The following ZMYM4 variants were observed in gnomAD, a reference collection of about 807,000 sequenced individuals.
ZMYM4 encodes the protein zinc finger MYM-type protein 4.
A neutral mutation model predicts 183.2 loss-of-function variants in ZMYM4; 31 were observed. The observed-to-expected ratio is 0.17, with a 90% confidence interval of 0.13 to 0.23. ZMYM4 has a LOEUF of 0.23. Among genes scored for constraint, ZMYM4 ranks in the 10% least tolerant of loss-of-function variants. The pLI is 1.00. For missense variants in ZMYM4, 1,273 were observed against 1,840.3 expected (o/e 0.69, Z 5.64); for synonymous variants, 592 against 631.2 (o/e 0.94, Z 0.93).
chr1:35,412,140 A>G (rs984151799), intron 26 of ZMYM4, among the ~76,000 whole-genome samples: 2 of 151,882 alleles, frequency 1.3e-5, no homozygotes, highest in Non-Finnish European at 2.9e-5. Context: ...TAGCCTCCCA[A>G]AGTGCTGGGA....
chr1:35,365,406 G>A (rs188113094), intron 5 of ZMYM4, among the ~76,000 whole-genome samples: 1 of 152,126 alleles, frequency 6.6e-6, no homozygotes, highest in Admixed American at 6.5e-5. Flanking sequence ...TGTACATTCA[G>A]TAAATACTAC....
intron 2 of ZMYM4, among the ~76,000 whole-genome samples, chr1:35,336,666 A>C (rs938218770): frequency 1.3e-5 from 2 of 152,054 alleles, no homozygotes. Context: ...CAGCCCTCCA[A>C]AATGCTGGGA....
intron 21 of ZMYM4, 66 bp downstream of exon 21, chr1:35,398,532 T>C: frequency 1.5e-6 from 2 of 1,375,894 alleles, no homozygotes; most frequent in African/African-American, 1.5e-5. Context: ...CTATAAAATA[T>C]TAGTACCCTT....
intron 1 of ZMYM4, among the ~76,000 whole-genome samples, chr1:35,287,489 A>T (rs1222939815): frequency 6.6e-6 from 1 of 152,164 alleles, no homozygotes; most frequent in Non-Finnish European, 1.5e-5. Flanking sequence ...CTGCAAATTC[A>T]CTATGTCTAC....
chr1:35,293,463 C>A (rs1056849721), intron 1 of ZMYM4, among the ~76,000 whole-genome samples: 1 of 151,868 alleles, frequency 6.6e-6, no homozygotes, highest in African/African-American at 2.4e-5. Flanking sequence ...ACAGGCAATG[C>A]GCCACCACAC....
intron 1 of ZMYM4, among the ~76,000 whole-genome samples, chr1:35,319,017 A>AT (rs934862149): frequency 6.6e-6 from 1 of 152,036 alleles, no homozygotes; most frequent in African/African-American, 2.4e-5. Context: ...AGTAGCTGGG[A>AT]TTACAGGCAT....
chr1:35,392,265 G>C lies in ZMYM4; in HGVS notation c.2641G>C (p.Asp881His), dbSNP rs756898872. The C allele has an allele frequency of 4.3e-6, 7 of 1,614,150 alleles. No individual in the cohort carries two copies. The South Asian group carries it at 7.7e-5, about 18-fold the overall frequency. ...AGCAGGACCCCCATCTCTGAGAAAA[G>C]ATTCGACTCCAGTTATAGCCAATGT... Reference protein sequence around the residue: ...ASAGPPSLRKDSTPVIANVVS... With the variant: ...ASAGPPSLRKHSTPVIANVVS... Residue 881 changes from aspartate (D) to histidine (H), a missense_variant, in exon 16 of 30, where the codon GAT becomes CAT. Physicochemically the swap from Asp to His is moderately conservative, Grantham distance 81. Around this residue, in one of 6 missense-constraint regions of ZMYM4, gnomAD observed 290 missense variants for 353.3 expected, o/e 0.82. Transcript: ENST00000314607.
At position 35,331,797 on chromosome 1, in the gene ZMYM4, C is replaced by CATAAATAAATAAATAA. The variant is rs56242648; in HGVS notation, c.85+6418_85+6433dup. ...AGAAAAAGACTCCATCTCAAAAATACATAAATAAATAAATAAATAAATAAA... is the reference window on the plus strand; with the variant it reads ...AGAAAAAGACTCCATCTCAAAAATACATAAATAAATAAATAAATAAATAAATAAATAAATAAATAAA... On this transcript the variant is annotated intron_variant, in intron 2 of 29. Transcript: ENST00000314607. Among the ~76,000 whole-genome samples, 264 of 140,632 alleles carry CATAAATAAATAAATAA rather than the reference C, an allele frequency of 1.9e-3. 1 individual carries two copies. The highest frequency in any genetic ancestry group is 3.9e-3 in the East Asian group (19 of 4,816). The allele number at this position is 140,632 out of a possible 152,430, so 92.3% of individuals were successfully genotyped here. A position where few individuals can be genotyped will look rare whatever the true frequency, so the allele number is the denominator to read the frequency against.
chr1:35,383,325 TTTATG>T (rs1644506580), intron 9 of ZMYM4, among the ~76,000 whole-genome samples: 1 of 152,140 alleles, frequency 6.6e-6, no homozygotes. Flanking sequence ...TATAATGTCT[TTTATG>T]TAAGTGCATT....
chr1:35,394,818 A>G (rs1644778054), intron 18 of ZMYM4, among the ~76,000 whole-genome samples: 1 of 152,156 alleles, frequency 6.6e-6, no homozygotes, highest in Admixed American at 6.5e-5. Context: ...GCCATCCAAA[A>G]GTCCTAGAAT....
At chr1:35,296,843 C>CTTTCTTTTTTTTTTTTT (rs1553163901) in intron 1 of ZMYM4, among the ~76,000 whole-genome samples, 15 of 95,632 alleles carry the variant, frequency 1.6e-4, no homozygotes, top group East Asian at 1.4e-3. Context: ...TTCTTTCTTT[C>CTTTCTTTTTTTTTTTTT]TTTTTTTTTT....
intron 26 of ZMYM4, among the ~76,000 whole-genome samples, chr1:35,409,141 C>A (rs974879713): frequency 6.6e-6 from 1 of 152,216 alleles, no homozygotes; most frequent in Non-Finnish European, 1.5e-5. Flanking sequence ...GAATAATATT[C>A]TATCATATGG....
intron 1 of ZMYM4, among the ~76,000 whole-genome samples, chr1:35,279,547 T>G (rs1640042122): frequency 6.6e-6 from 1 of 152,210 alleles, no homozygotes; most frequent in Non-Finnish European, 1.5e-5. Flanking sequence ...TTCCGCATCC[T>G]TTGTATTCTG....
In ZMYM4 at chr1:35,299,694, C is replaced by CT. The variant is rs1245171870; in HGVS notation, c.40-25666_40-25665insT. ...TAGTTGCCTGGTAAGTTGCAGAAAGCAACCAATCAAAGGCTAAAGTGAAGT... is the reference window on the plus strand; with the variant it reads ...TAGTTGCCTGGTAAGTTGCAGAAAGCTAACCAATCAAAGGCTAAAGTGAAGT... On this transcript the variant is annotated intron_variant, in intron 1 of 29. Coordinates refer to ENST00000314607, the MANE Select transcript of ZMYM4 (RefSeq NM_005095.3). Among the ~76,000 whole-genome samples the CT allele has an allele frequency of 1.1e-3, 160 of 152,318 alleles. 3 individuals carry two copies. The South Asian group carries it at 0.032, about 31-fold the overall frequency.
chr1:35,303,666 C>T (rs1641395470), intron 1 of ZMYM4, among the ~76,000 whole-genome samples: 1 of 152,112 alleles, frequency 6.6e-6, no homozygotes, highest in African/African-American at 2.4e-5. Flanking sequence ...AGCCACAGCG[C>T]CCAGCCTATA....
intron 7 of ZMYM4, among the ~76,000 whole-genome samples, chr1:35,376,787 A>G (rs1379783964): frequency 6.6e-5 from 10 of 152,060 alleles, no homozygotes; most frequent in Admixed American, 6.6e-4. Context: ...CGGCCTCCCA[A>G]AGTGCTGGGA....
At chr1:35,312,266 T>C (rs1443118431) in intron 1 of ZMYM4, among the ~76,000 whole-genome samples, 3 of 152,196 alleles carry the variant, frequency 2.0e-5, no homozygotes, top group African/African-American at 7.2e-5. Context: ...CTGTCTTTCA[T>C]CAAATTTGGG....
chr1:35,416,721 G>T (rs551275346), intron 28 of ZMYM4, among the ~76,000 whole-genome samples: 1 of 152,082 alleles, frequency 6.6e-6, no homozygotes, highest in Non-Finnish European at 1.5e-5. Flanking sequence ...GTGCTACCAC[G>T]CCTGGCTAAT....
chr1:35,402,976 CAGAAAGTATG>C (rs1316350812), intron 23 of ZMYM4, among the ~76,000 whole-genome samples: 1 of 152,170 alleles, frequency 6.6e-6, no homozygotes, highest in Admixed American at 6.5e-5. Flanking sequence ...AGTCTTGCAA[CAGAAAGTATG>C]ATGTTACCTG....
Sources: gnomAD v4.1 joint callset for allele counts (sites outside exome capture counted in the v4.1 genomes callset) on GRCh38, gnomAD v4.1.1 for gene constraint, gnomAD v4.1.1 regional missense constraint, MANE v1.5 for transcripts, NCBI Gene and HGNC (gene_info 2026-07-23, HGNC 2026-07-21) for gene names.